DDB2: variants seen among roughly 807,000 people sequenced by gnomAD.
DDB2 encodes the protein DNA damage-binding protein 2.
In DDB2, 27 loss-of-function variants were observed where a neutral mutation model predicts 50.5. That is an observed-to-expected ratio of 0.53 (90% CI 0.39 to 0.74). DDB2 has a LOEUF of 0.74. Among genes scored for constraint, DDB2 ranks in the 30% least tolerant of loss-of-function variants. The probability of loss-of-function intolerance (pLI) is 0.00; values close to 1 mark genes in which losing one functional copy is unlikely to be tolerated. For missense variants in DDB2, 424 were observed against 545.6 expected, an observed-to-expected ratio of 0.78 and a Z score of 2.22; for synonymous variants, 176 against 205.5, an observed-to-expected ratio of 0.86 and a Z score of 1.23.
At chr11:47,230,537 C>T (rs779041734) in intron 3 of DDB2, among the ~76,000 whole-genome samples, 2 of 152,270 alleles carry the variant, frequency 1.3e-5, no homozygotes, top group Middle Eastern at 3.4e-3. Context: ...ACAACTACAA[C>T]CAACCCTTGG....
chr11:47,237,864 A>C lies in DDB2; in HGVS notation c.1051A>C (p.Ile351Leu). ...AGCCTGGCATCCTCGCTACAACCTC[A>C]TTGTTGTGGGCCGATACCCAGATCC... ...KAAWHPRYNL[I>L]VVGRYPDPNF... Residue 351 changes from isoleucine to leucine, a missense_variant, in exon 8 of 10, where the codon ATT (isoleucine) becomes CTT (leucine). Physicochemically the swap from Ile to Leu is conservative, Grantham distance 5. Transcript: ENST00000256996. The C allele has an allele frequency of 6.2e-7, 1 of 1,613,816 alleles. No individual in the cohort carries two copies.
intron 4 of DDB2, chr11:47,233,470 C>G (rs531508205): frequency 6.2e-4 from 127 of 203,392 alleles, no homozygotes; most frequent in African/African-American, 2.8e-3. Flanking sequence ...CTTTGGGAGG[C>G]CAAGGTGGGT....
chr11:47,216,909 A>C lies in DDB2; in HGVS notation c.316A>C (p.Lys106Gln). ...HTLDSYRILQKAAPFDRRATS... is the reference protein window; with the variant it reads ...HTLDSYRILQQAAPFDRRATS... The stretch of plus-strand genomic sequence containing the variant: ...TCTGGATTCTTACCGGATATTACAA[A>C]AGGCTGCCCCCTTTGACAGGAGGGC... The change falls in exon 3 of 10, where the codon AAG becomes CAG. Residue 106 changes from lysine to glutamine, a missense_variant. Transcript: ENST00000256996. The C allele has an allele frequency of 6.2e-7, 1 of 1,614,122 alleles. No homozygotes were observed. Among genetic ancestry groups the C allele is most frequent in the Non-Finnish European group, 8.5e-7 (1 of 1,180,028 alleles).
chr11:47,231,368 TC>T (rs1257133488), intron 3 of DDB2, among the ~76,000 whole-genome samples: 1 of 152,118 alleles, frequency 6.6e-6, no homozygotes, highest in Non-Finnish European at 1.5e-5. Flanking sequence ...TTAGGGCACA[TC>T]CATGTAATGG....
chr11:47,232,874 T>A lies in DDB2; in HGVS notation c.517T>A (p.Tyr173Asn), dbSNP rs1211804433. The A allele has an allele frequency of 1.2e-6, 2 of 1,614,174 alleles. No homozygotes were observed. The highest frequency in any genetic ancestry group is 3.3e-5 in the Admixed American group (2 of 60,024). The change falls in exon 4 of 10, where the codon TAC (tyrosine) becomes AAC (asparagine). Residue 173 changes from tyrosine to asparagine, a missense_variant. By Grantham distance (143) the Tyr-to-Asn change is moderately radical. Transcript: ENST00000256996. ...TAACCCTCTCAATACCAACCAGTTT[T>A]ACGCCTCCTCAATGGAGGGAACAAC... ...KFNPLNTNQF[Y>N]ASSMEGTTRL...
At chr11:47,230,188 T>C (rs1953626712) in intron 3 of DDB2, among the ~76,000 whole-genome samples, 1 of 150,138 alleles carries the variant, frequency 6.7e-6, no homozygotes, top group Non-Finnish European at 1.5e-5. Context: ...TAGCACCAGC[T>C]ACTTGGGAGG....
intron 7 of DDB2, 106 bp from the exon 8 acceptor site, chr11:47,237,731 A>T: frequency 8.1e-7 from 1 of 1,228,826 alleles, no homozygotes; most frequent in Non-Finnish European, 1.2e-6. Context: ...CACTGCACTC[A>T]GCCCAAAGAA....
At position 47,234,915 on chromosome 11, in the gene DDB2, C is replaced by G; in HGVS notation, c.861C>G (p.His287Gln). Residue 287 changes from histidine to glutamine, a missense_variant, in exon 6 of 10, where the codon CAC (histidine) becomes CAG (glutamine). Coordinates refer to ENST00000256996, the MANE Select transcript of DDB2 (RefSeq NM_000107.3). ...GKASFLYSLP[H>Q]RHPVNAACFS... is the part of the protein sequence containing the mutation. ...CCAGCTTCCTCTACTCGCTGCCGCA[C>G]AGGCATCCTGTCAACGCAGGTGTGA... The G allele has an allele frequency of 6.2e-7, 1 of 1,614,256 alleles. No homozygotes were observed. The highest frequency in any genetic ancestry group is 1.1e-5 in the South Asian group (1 of 91,086).
At position 47,218,786 on chromosome 11, in the gene DDB2, A is replaced by G. The variant is rs141293157; in HGVS notation, c.456+1737A>G. Among the ~76,000 whole-genome samples, 27 of 152,146 alleles carry G rather than the reference A, an allele frequency of 1.8e-4. 2 individuals are homozygous for G. The highest frequency in any genetic ancestry group is 5.5e-4 in the African/African-American group (23 of 41,518). On this transcript the variant is annotated intron_variant, in intron 3 of 9. Transcript: ENST00000256996. ...TGTATGGTGGTAGGGTCAGGGGTAA[A>G]CTAGAGATGACTGTTGTGCAAAAAT...
chr11:47,216,179 C>G, intron 1 of DDB2, 157 bp from the exon 2 acceptor site: 1 of 1,083,408 alleles, frequency 9.2e-7, no homozygotes, highest in Non-Finnish European at 1.4e-6. Flanking sequence ...TTTTTTATTT[C>G]TGGTGCTCGT....
chr11:47,227,217 C>G (rs1423562032), intron 3 of DDB2, among the ~76,000 whole-genome samples: 1 of 141,842 alleles, frequency 7.1e-6, no homozygotes, highest in Non-Finnish European at 1.5e-5. Context: ...AGCAATTCTC[C>G]TGCTTCAGCC....
At chr11:47,232,327 CATAAAA>C (rs143877183) in intron 3 of DDB2, among the ~76,000 whole-genome samples, 2,246 of 151,098 alleles carry the variant, frequency 0.015, 19 homozygotes, top group African/African-American at 0.034. Flanking sequence ...ATCTCAAAAA[CATAAAA>C]ATAAAAATAA....
chr11:47,223,075 T>C (rs1480077655), intron 3 of DDB2, among the ~76,000 whole-genome samples: 2 of 152,260 alleles, frequency 1.3e-5, no homozygotes, highest in Non-Finnish European at 2.9e-5. Context: ...AAGTATAGAA[T>C]TCTAGGTTCA....
At position 47,237,822 on chromosome 11, in the gene DDB2, C is replaced by T. The variant is rs1421637185; in HGVS notation, c.1024-15C>T. On this transcript the variant is annotated splice_polypyrimidine_tract_variant and intron_variant, in intron 7 of 9. Coordinates refer to ENST00000256996, the MANE Select transcript of DDB2 (RefSeq NM_000107.3). Reference sequence around the variant, plus strand: ...TTCTGTGTTTACCCTCATGGCCGGCCTCTCCATCTCCTAGGCAGCCTGGCA... The same window carrying T: ...TTCTGTGTTTACCCTCATGGCCGGCTTCTCCATCTCCTAGGCAGCCTGGCA... 3 of 1,614,008 alleles carry T rather than the reference C, an allele frequency of 1.9e-6. No homozygotes were observed. Among genetic ancestry groups the T allele is most frequent in the Admixed American group, 3.3e-5 (2 of 60,004 alleles).
At chr11:47,237,753 T>G in intron 7 of DDB2, 84 bp from the exon 8 acceptor site, 1 of 1,393,978 alleles carries the variant, frequency 7.2e-7, no homozygotes, top group East Asian at 2.3e-5. Context: ...ACTTTTGATG[T>G]TCCTCTTTGT....
At chr11:47,227,234 G>A (rs1953573556) in intron 3 of DDB2, among the ~76,000 whole-genome samples, 1 of 147,862 alleles carries the variant, frequency 6.8e-6, no homozygotes, top group Non-Finnish European at 1.5e-5. Context: ...AGCCTCCTGA[G>A]TAGCTGGGAT....
chr11:47,216,424 C>T lies in DDB2; in HGVS notation c.216C>T (p.Thr72=). The change falls in exon 2 of 10, where the codon ACC becomes ACT. Residue 72 remains threonine (T), a synonymous_variant. Coordinates refer to ENST00000256996, the MANE Select transcript of DDB2 (RefSeq NM_000107.3). ...ILPPCRSIVR[T]LHQHKLGRAS... ...CACCATGCCGCAGCATCGTCAGGACCCTCCACCAGCATAAGCTGGGCAGAG... is the reference window on the plus strand; with the variant it reads ...CACCATGCCGCAGCATCGTCAGGACTCTCCACCAGCATAAGCTGGGCAGAG... 6.2e-7 allele frequency: 1 copy of T among 1,614,010 alleles called. No homozygotes were observed. The highest frequency in any genetic ancestry group is 8.5e-7 in the Non-Finnish European group (1 of 1,180,020).
At chr11:47,226,181 C>T (rs1163100658) in intron 3 of DDB2, among the ~76,000 whole-genome samples, 5 of 152,022 alleles carry the variant, frequency 3.3e-5, no homozygotes, top group Non-Finnish European at 5.9e-5. Flanking sequence ...TTTGAGGAAC[C>T]GCTATATTGT....
rs4647743 is a variant in DDB2, at chr11:47,232,754, G to C, written c.457-60G>C. On this transcript the variant is annotated intron_variant, in intron 3 of 9. Coordinates refer to ENST00000256996, the MANE Select transcript of DDB2 (RefSeq NM_000107.3). ...GTGACGGCGCAGCATGTGTGCCCAG[G>C]CCTGGTTCCTCACGGCCAGGCCCAT... 5.1e-4 allele frequency: 809 copies of C among 1,600,984 alleles called. 8 individuals carry two copies. The Admixed American group carries it at 6.9e-3, about 14-fold the overall frequency.
Sources: gnomAD v4.1 joint callset for allele counts (sites outside exome capture counted in the v4.1 genomes callset) on GRCh38, gnomAD v4.1.1 for gene constraint, MANE v1.5 for transcripts, NCBI Gene and HGNC (gene_info 2026-07-23, HGNC 2026-07-21) for gene names.